ST3GAL3: variants seen among roughly 807,000 people sequenced by gnomAD.
ST3GAL3 encodes ST3 beta-galactoside alpha-2,3-sialyltransferase 3.
Under a neutral mutation model 50.1 loss-of-function variants are expected in ST3GAL3, and 21 were observed. That is an observed-to-expected ratio of 0.42 (90% CI 0.30 to 0.60). ST3GAL3 has a LOEUF of 0.60. Ranked by LOEUF, ST3GAL3 falls within the 20% of genes least tolerant of loss-of-function variation. ST3GAL3 has a pLI of 0.19. For synonymous variants in ST3GAL3, 183 were observed against 190.0 expected, an observed-to-expected ratio of 0.96 and a Z score of 0.30; for missense variants, 353 against 489.4, an observed-to-expected ratio of 0.72 and a Z score of 2.63.
chr1:43,735,786 G>C (rs1026008501), intron 1 of ST3GAL3, among the ~76,000 whole-genome samples: 1 of 152,234 alleles, frequency 6.6e-6, no homozygotes, highest in Admixed American at 6.5e-5. Context: ...CGAATGCAAA[G>C]GGGTTTAAGC....
chr1:43,716,933 C>T (rs1667693132), intron 1 of ST3GAL3, among the ~76,000 whole-genome samples: 1 of 152,172 alleles, frequency 6.6e-6, no homozygotes, highest in South Asian at 2.1e-4. Context: ...GCTTAGCCTT[C>T]TCCAGTCAGT....
chr1:43,872,686 T>C (rs1034306752), intron 5 of ST3GAL3, among the ~76,000 whole-genome samples: 5 of 152,172 alleles, frequency 3.3e-5, no homozygotes, highest in Admixed American at 6.5e-5. Flanking sequence ...TGAGCAAAAC[T>C]GACCAACAGT....
intron 11 of ST3GAL3, among the ~76,000 whole-genome samples, chr1:43,927,939 A>G (rs2084303539): frequency 6.6e-6 from 1 of 151,960 alleles, no homozygotes; most frequent in South Asian, 2.1e-4. Context: ...GTATGGGGGC[A>G]CTCTCCTTCA....
In ST3GAL3 at chr1:43,898,238, A is replaced by G. The variant is rs745451424; in HGVS notation, c.401A>G (p.Asn134Ser). 19 of 1,613,804 alleles carry G rather than the reference A, an allele frequency of 1.2e-5. No homozygotes were observed. The South Asian group carries it at 1.5e-4, about 13-fold the overall frequency. Residue 134 changes from asparagine (N) to serine (S), a missense_variant, in exon 7 of 12, where the codon AAT becomes AGT. Coordinates refer to ENST00000347631, the MANE Select transcript of ST3GAL3 (RefSeq NM_006279.5). ...AACCTCTCTCCTCTGTCTGCAGACA[A>G]TCTGATCAAAGCCATCTTGTCAGTC... ...VPPFGIKGQDNLIKAILSVTK... is the reference protein window; with the variant it reads ...VPPFGIKGQDSLIKAILSVTK...
intron 5 of ST3GAL3, among the ~76,000 whole-genome samples, chr1:43,855,873 C>T (rs1462845621): frequency 6.6e-6 from 1 of 152,104 alleles, no homozygotes; most frequent in Non-Finnish European, 1.5e-5. Context: ...ATTTTATTGC[C>T]TAGCATAAAC....
intron 1 of ST3GAL3, among the ~76,000 whole-genome samples, chr1:43,718,270 A>G (rs1237200344): frequency 7.0e-6 from 1 of 142,230 alleles, no homozygotes; most frequent in East Asian, 2.1e-4. Context: ...GCTCACTGCA[A>G]GCTATCCCTC....
intron 9 of ST3GAL3, among the ~76,000 whole-genome samples, chr1:43,917,466 A>AATATATT (rs2082024726): frequency 1.1e-5 from 1 of 90,534 alleles, no homozygotes; most frequent in African/African-American, 4.4e-5. Flanking sequence ...TAATATATAT[A>AATATATT]ATATATAATA....
intron 1 of ST3GAL3, among the ~76,000 whole-genome samples, chr1:43,731,627 G>T (rs1283314970): frequency 6.9e-6 from 1 of 145,604 alleles, no homozygotes; most frequent in Non-Finnish European, 1.5e-5. Flanking sequence ...TCGATCTCTT[G>T]ACCTCGTGAT....
chr1:43,889,884 A>G (rs1570750573), intron 5 of ST3GAL3, among the ~76,000 whole-genome samples: 3 of 152,266 alleles, frequency 2.0e-5, no homozygotes, highest in African/African-American at 7.2e-5. Context: ...TACTAGTTAC[A>G]AATGAATGAT....
intron 9 of ST3GAL3, among the ~76,000 whole-genome samples, chr1:43,916,359 C>T (rs980354420): frequency 1.3e-5 from 2 of 152,094 alleles, no homozygotes; most frequent in Non-Finnish European, 2.9e-5. Context: ...GGATCTGTAC[C>T]GTTCTAAGCA....
At chr1:43,917,859 G>C (rs2082335120) in intron 9 of ST3GAL3, among the ~76,000 whole-genome samples, 1 of 147,878 alleles carries the variant, frequency 6.8e-6, no homozygotes, top group South Asian at 2.1e-4. Context: ...TGGTAGAAAC[G>C]GGGTTTCACC....
At chr1:43,906,474 T>C (rs1249230199) in intron 9 of ST3GAL3, among the ~76,000 whole-genome samples, 25 of 41,486 alleles carry the variant, frequency 6.0e-4, no homozygotes, top group South Asian at 1.2e-3. Flanking sequence ...CACTCTCCCC[T>C]CTCCTCCTCC....
intron 2 of ST3GAL3, among the ~76,000 whole-genome samples, chr1:43,777,589 A>G (rs1482404068): frequency 2.0e-5 from 3 of 152,176 alleles, no homozygotes; most frequent in Non-Finnish European, 2.9e-5. Flanking sequence ...TTCCTTACAC[A>G]TTATACAAAA....
At chr1:43,772,656 A>AT (rs879785882) in intron 2 of ST3GAL3, 34 of 148,298 alleles carry the variant, frequency 2.3e-4, no homozygotes, top group East Asian at 7.9e-4. Flanking sequence ...CCTTGCAGTG[A>AT]TTTTTTTTTT....
chr1:43,805,662 CT>C (rs1231797446), intron 3 of ST3GAL3, among the ~76,000 whole-genome samples: 1 of 152,250 alleles, frequency 6.6e-6, no homozygotes, highest in Non-Finnish European at 1.5e-5. Context: ...TAATCACAAA[CT>C]GGAGAAAGTA....
At chr1:43,754,955 T>C (rs572716124) in intron 2 of ST3GAL3, among the ~76,000 whole-genome samples, 1 of 152,124 alleles carries the variant, frequency 6.6e-6, no homozygotes, top group Non-Finnish European at 1.5e-5. Flanking sequence ...AAGATTATCT[T>C]TGTGAATTAG....
At chr1:43,876,925 A>G (rs1257871681) in intron 5 of ST3GAL3, among the ~76,000 whole-genome samples, 1 of 152,220 alleles carries the variant, frequency 6.6e-6, no homozygotes, top group East Asian at 1.9e-4. Context: ...TGGTGATAAA[A>G]CTGTCACCTC....
intron 1 of ST3GAL3, among the ~76,000 whole-genome samples, chr1:43,711,068 TATAA>T (rs758596398): frequency 3.3e-5 from 5 of 152,250 alleles, no homozygotes; most frequent in African/African-American, 7.2e-5. Flanking sequence ...CATTAAAATC[TATAA>T]ATAAAGTTGT....
chr1:43,770,677 A>T (rs2154131988), intron 2 of ST3GAL3, among the ~76,000 whole-genome samples: 1 of 152,230 alleles, frequency 6.6e-6, no homozygotes, highest in East Asian at 1.9e-4. Context: ...AGTACTACAG[A>T]TGCACATGAG....
Sources: allele counts gnomAD v4.1 joint callset (sites outside exome capture counted in the v4.1 genomes callset), GRCh38; gene constraint gnomAD v4.1.1; transcripts MANE v1.5; gene names NCBI Gene and HGNC (gene_info 2026-07-23, HGNC 2026-07-21).